HERC5: variants seen among roughly 807,000 people sequenced by gnomAD.
HERC5 encodes HECT and RLD domain containing E3 ubiquitin protein ligase 5.
HERC5 carries 99 observed loss-of-function variants against 119.6 expected under a neutral mutation model. That is an observed-to-expected ratio of 0.83 (90% CI 0.70 to 0.98). HERC5 has a LOEUF of 0.98. Ranked by LOEUF, HERC5 falls within the 50% of genes least tolerant of loss-of-function variation. The pLI is 0.00. For missense variants in HERC5, 1,267 were observed against 1,241.3 expected (o/e 1.02, Z -0.31); for synonymous variants, 478 against 445.9 (o/e 1.07, Z -0.91).
chr4:88,463,599 C>T lies in HERC5; in HGVS notation c.756C>T (p.Gly252=), dbSNP rs1472893703. 2 of 1,613,206 alleles carry T rather than the reference C, an allele frequency of 1.2e-6. No homozygotes were observed. The highest frequency in any genetic ancestry group is 1.7e-6 in the Non-Finnish European group (2 of 1,179,566). Residue 252 remains glycine (G), a synonymous_variant, in exon 5 of 23, where the codon GGC becomes GGT. Transcript: ENST00000264350. ...NQKVEFVACG[G]SHSALLTQDG... is the part of the protein sequence containing the mutation. Reference sequence around the variant, plus strand: ...AAGTTGAATTTGTCGCTTGTGGTGGCTCTCACAGTGCCCTACTCACACAGG... The same window carrying T: ...AAGTTGAATTTGTCGCTTGTGGTGGTTCTCACAGTGCCCTACTCACACAGG...
At chr4:88,473,831 A>C (rs1159638848) in intron 11 of HERC5, 1 of 152,250 alleles carries the variant, frequency 6.6e-6, no homozygotes, top group Non-Finnish European at 1.5e-5. Context: ...TCAGTTCATC[A>C]TTAAGGGCTC....
chr4:88,468,639 T>C lies in HERC5; in HGVS notation c.1134+217T>C, dbSNP rs138057004. ...CTGGTGAATGTCTAATCAGTGTGAT[T>C]TCCATAGGCTATACTTACCTTTTGG... is the stretch of plus-strand genomic sequence containing the variant. On this transcript the variant is annotated intron_variant, in intron 8 of 22. Coordinates refer to ENST00000264350, the MANE Select transcript of HERC5 (RefSeq NM_016323.4). Among the ~76,000 whole-genome samples, 62 of 152,310 alleles carry C rather than the reference T, an allele frequency of 4.1e-4. 1 individual carries two copies. In the East Asian group the frequency reaches 0.012, roughly 28 times the overall value.
At chr4:88,487,725 C>A (rs919864551) in intron 15 of HERC5, among the ~76,000 whole-genome samples, 18 of 152,210 alleles carry the variant, frequency 1.2e-4, no homozygotes, top group African/African-American at 4.1e-4. Flanking sequence ...GTAGATGTAT[C>A]CAGCAAAGTG....
chr4:88,488,786 TGA>T (rs1363849463), intron 15 of HERC5, among the ~76,000 whole-genome samples: 2 of 152,154 alleles, frequency 1.3e-5, no homozygotes, highest in Non-Finnish European at 2.9e-5. Flanking sequence ...CTCTTCGGAA[TGA>T]GAGAGCATCA....
intron 13 of HERC5, among the ~76,000 whole-genome samples, chr4:88,482,636 G>A (rs572787027): frequency 5.1e-4 from 77 of 152,284 alleles, no homozygotes; most frequent in African/African-American, 1.8e-3. Context: ...CAATCTAGAA[G>A]GGGATGTGTG....
At position 88,457,427 on chromosome 4, in the gene HERC5, C is replaced by T. The variant is rs776157603; in HGVS notation, c.158C>T (p.Thr53Met). 1.8e-5 allele frequency: 24 copies of T among 1,361,258 alleles called. No homozygotes were observed. The highest frequency in any genetic ancestry group is 4.5e-5 in the African/African-American group (3 of 66,580). 84.3% of individuals were successfully genotyped at this position (1,361,258 alleles called of 1,614,324 possible). A position where few individuals can be genotyped will look rare whatever the true frequency, so the allele number is the denominator to read the frequency against. The change falls in exon 1 of 23, where the codon ACG (threonine) becomes ATG (methionine). Residue 53 changes from threonine to methionine, a missense_variant. Coordinates refer to ENST00000264350, the MANE Select transcript of HERC5 (RefSeq NM_016323.4). The stretch of plus-strand genomic sequence containing the variant: ...GCGCTGCTCCGGAGGGTGGAGGTGA[C>T]GCGCCAACTCTGCTGCTCGCCGGGG... ...HRALLRRVEV[T>M]RQLCCSPGRL...
chr4:88,469,320 T>C, intron 9 of HERC5, 60 bp downstream of exon 9: 1 of 1,147,356 alleles, frequency 8.7e-7, no homozygotes, highest in Non-Finnish European at 1.3e-6. Flanking sequence ...TTTCCCAAAC[T>C]GGTTCTGCAC....
In HERC5 at chr4:88,505,829, T is replaced by C; in HGVS notation, c.3026T>C (p.Val1009Ala). 6.2e-7 allele frequency: 1 copy of C among 1,613,676 alleles called. No individual in the cohort carries two copies. Among genetic ancestry groups the C allele is most frequent in the South Asian group, 1.1e-5 (1 of 91,032 alleles). The stretch of plus-strand genomic sequence containing the variant: ...CCTAAATATTCTACAATGGAAACAG[T>C]TGAAGAAGCGCTTCAAGAAGCCATC... ...FLPKYSTMET[V>A]EEALQEAINN... is the part of the protein sequence containing the mutation. Residue 1009 changes from valine to alanine, a missense_variant, in exon 23 of 23, where the codon GTT becomes GCT. Physicochemically the swap from Val to Ala is moderately conservative, Grantham distance 64. Transcript: ENST00000264350.
chr4:88,479,286 A>G (rs76555004), intron 12 of HERC5, 67 bp from the exon 13 acceptor site: 1 of 429,464 alleles, frequency 2.3e-6, no homozygotes, highest in African/African-American at 2.2e-5. Flanking sequence ...CTCTGTCTCA[A>G]AAAAAAAAAA....
Position 88,486,175 on chromosome 4 carries a change from C to T in HERC5, c.1798C>T (p.Arg600Cys), listed in dbSNP as rs200245264. 2.6e-4 allele frequency: 426 copies of T among 1,611,612 alleles called. 2 individuals are homozygous for T. Among genetic ancestry groups the T allele is most frequent in the Non-Finnish European group, 2.3e-5 (27 of 1,178,544 alleles). ...SIFQVDELLHRLNFFVEVCRR... is the reference protein window; with the variant it reads ...SIFQVDELLHCLNFFVEVCRR... The stretch of plus-strand genomic sequence containing the variant: ...TTTCCAAGTAGACGAACTCTTGCAC[C>T]GTCTCAATTTTTTTGTAGAAGTATG... Residue 600 changes from arginine (R) to cysteine (C), a missense_variant, in exon 14 of 23, where the codon CGT becomes TGT. Around this residue, in one of 3 missense-constraint regions of HERC5, gnomAD observed 777 missense variants for 758.0 expected, o/e 1.03. Transcript: ENST00000264350.
At chr4:88,468,037 T>C (rs1451054231) in intron 7 of HERC5, 1 of 238,134 alleles carries the variant, frequency 4.2e-6, no homozygotes, top group Non-Finnish European at 7.0e-6. Context: ...TGGTTTTTAG[T>C]AATGGGAGTT....
chr4:88,500,911 A>G lies in HERC5; in HGVS notation c.2512-4A>G. The G allele has an allele frequency of 3.1e-6, 5 of 1,607,764 alleles. No individual in the cohort carries two copies. The highest frequency in any genetic ancestry group is 4.2e-6 in the Non-Finnish European group (5 of 1,176,536). On this transcript the variant is annotated splice_polypyrimidine_tract_variant and splice_region_variant and intron_variant, in intron 19 of 22. Coordinates refer to ENST00000264350, the MANE Select transcript of HERC5 (RefSeq NM_016323.4). ...ATATTATCTGAGTTCATTTGCGGTT[A>G]CAGGTGCACTGGGACAGAAACGACA...
chr4:88,485,039 GT>G lies in HERC5; in HGVS notation c.1738-1064del, dbSNP rs901109670. Among the ~76,000 whole-genome samples, 154 of 143,238 alleles carry G rather than the reference GT, an allele frequency of 1.1e-3. 1 individual carries two copies. Among genetic ancestry groups the G allele is most frequent in the Non-Finnish European group, 1.2e-3 (79 of 64,944 alleles). 94.0% of individuals were successfully genotyped at this position (143,238 alleles called of 152,430 possible). On this transcript the variant is annotated intron_variant, in intron 13 of 22. Coordinates refer to ENST00000264350, the MANE Select transcript of HERC5 (RefSeq NM_016323.4). ...TGGCTATTTTCAACAATTTTTAAAG[GT>G]TTTTTTTTTTTACAAAAGGGAAAGG...
At chr4:88,471,232 AGT>A (rs1157911867) in intron 10 of HERC5, among the ~76,000 whole-genome samples, 2 of 152,044 alleles carry the variant, frequency 1.3e-5, no homozygotes, top group East Asian at 3.9e-4. Context: ...GGCCTCCCCA[AGT>A]GCTGGGATTT....
In HERC5 at chr4:88,505,699, C is replaced by A. The variant is rs767587592; in HGVS notation, c.2896C>A (p.Gln966Lys). Reference sequence around the variant, plus strand: ...ATTTCTTACAGGAACTGACAGACTACAAATGAAAGATTTAAATAATATGAA... The same window carrying A: ...ATTTCTTACAGGAACTGACAGACTAAAAATGAAAGATTTAAATAATATGAA... ...LVFLTGTDRL[Q>K]MKDLNNMKIT... Residue 966 changes from glutamine (Q) to lysine (K), a missense_variant, in exon 23 of 23, where the codon CAA (glutamine) becomes AAA (lysine). By Grantham distance (53) the Gln-to-Lys change is moderately conservative. Coordinates refer to ENST00000264350, the MANE Select transcript of HERC5 (RefSeq NM_016323.4). 8 of 1,585,702 alleles carry A rather than the reference C, an allele frequency of 5.0e-6. No homozygotes were observed. The highest frequency in any genetic ancestry group is 6.9e-6 in the Non-Finnish European group (8 of 1,156,190).
intron 22 of HERC5, among the ~76,000 whole-genome samples, chr4:88,505,062 G>A (rs562669892): frequency 6.6e-6 from 1 of 151,834 alleles, no homozygotes; most frequent in South Asian, 2.1e-4. Flanking sequence ...TTATTTTTGT[G>A]GATAACATGT....
At chr4:88,472,666 G>A (rs547767523) in intron 11 of HERC5, among the ~76,000 whole-genome samples, 164 bp downstream of exon 11, 28 of 152,084 alleles carry the variant, frequency 1.8e-4, no homozygotes, top group Non-Finnish European at 3.7e-4. Flanking sequence ...GCCCTTTTAG[G>A]GTGAAATAGT....
rs371474448 is a variant in HERC5 at position 88,463,480 on chromosome 4, T to G, written c.689-52T>G. 28 of 1,247,892 alleles carry G rather than the reference T, an allele frequency of 2.2e-5. No homozygotes were observed. The African/African-American group carries it at 3.7e-4, about 16-fold the overall frequency. 77.3% of individuals were successfully genotyped at this position (1,247,892 alleles called of 1,614,324 possible). On this transcript the variant is annotated intron_variant, in intron 4 of 22. Coordinates refer to ENST00000264350, the MANE Select transcript of HERC5 (RefSeq NM_016323.4). Reference sequence around the variant, plus strand: ...AGCAGCAGTCCAGGTAACTCCACTGTGAAACTCAGCATTTCCTTTTGGTCA... The same window carrying G: ...AGCAGCAGTCCAGGTAACTCCACTGGGAAACTCAGCATTTCCTTTTGGTCA...
In HERC5 at chr4:88,500,977, GACTA is replaced by G; in HGVS notation, c.2577_2580del (p.Asn860ArgfsTer17). ...ATGGAAGTAGCATAACTGTCAACCA[GACTA>G]ACAAGTAGGTACAAAAAATGAAATA... On this transcript the variant is annotated frameshift_variant, in exon 20 of 23. Coordinates refer to ENST00000264350, the MANE Select transcript of HERC5 (RefSeq NM_016323.4). LOFTEE classifies it high-confidence loss of function. The G allele has an allele frequency of 1.2e-6, 2 of 1,608,698 alleles. No individual in the cohort carries two copies. Among genetic ancestry groups the G allele is most frequent in the Non-Finnish European group, 1.7e-6 (2 of 1,177,248 alleles).
Sources: allele counts gnomAD v4.1 joint callset (sites outside exome capture counted in the v4.1 genomes callset), GRCh38; gene constraint gnomAD v4.1.1; regional missense constraint gnomAD v4.1.1; transcripts MANE v1.5; gene names NCBI Gene and HGNC (gene_info 2026-07-23, HGNC 2026-07-21).